Variants in EXT2 observed in about 807,000 individuals in gnomAD.
The protein encoded by EXT2 is exostosin-2.
A neutral mutation model predicts 81.6 loss-of-function variants in EXT2; 53 were observed. The observed-to-expected ratio is 0.65, with a 90% confidence interval of 0.52 to 0.82. The LOEUF (loss-of-function observed/expected upper bound fraction) is 0.82, where lower values mean the gene tolerates loss of function less well. EXT2 is among the 40% of genes least tolerant of loss of function. The pLI is 0.00. For missense variants in EXT2, 774 were observed against 910.2 expected (o/e 0.85, Z 1.93); for synonymous variants, 320 against 340.0 (o/e 0.94, Z 0.65).
chr11:44,230,903 T>C (rs568512258), intron 10 of EXT2, among the ~76,000 whole-genome samples: 2 of 152,314 alleles, frequency 1.3e-5, no homozygotes, highest in South Asian at 2.1e-4. Flanking sequence ...GTGTCCTTTC[T>C]GGACTCAGCA....
chr11:44,159,137 T>C (rs1954895730), intron 7 of EXT2, among the ~76,000 whole-genome samples: 1 of 151,014 alleles, frequency 6.6e-6, no homozygotes, highest in Non-Finnish European at 1.5e-5. Flanking sequence ...TTTTTTTTCT[T>C]CATTTATTCT....
chr11:44,227,599 C>T (rs1024407673), intron 10 of EXT2, among the ~76,000 whole-genome samples: 5 of 152,180 alleles, frequency 3.3e-5, no homozygotes, highest in Non-Finnish European at 7.3e-5. Context: ...ATCTAGGCTG[C>T]CCCCTGTGGG....
intron 13 of EXT2, among the ~76,000 whole-genome samples, chr11:44,242,916 TG>T (rs1956052840): frequency 6.6e-6 from 1 of 152,196 alleles, no homozygotes; most frequent in South Asian, 2.1e-4. Context: ...AAAATGGGAA[TG>T]ATAGTCCTAC....
rs117352996 is a variant in EXT2 at position 44,229,986 on chromosome 11, A to G, written c.1663-2367A>G. On this transcript the variant is annotated intron_variant, in intron 10 of 13. Coordinates refer to ENST00000533608, the MANE Select transcript of EXT2 (RefSeq NM_207122.2). ...AAATTCTGCAAGAGGAAAATACATA[A>G]TAAACAATAAATAACCAATATAATG... 5.0e-3 allele frequency among the ~76,000 whole-genome samples: 758 copies of G among 152,370 alleles called. 7 individuals carry two copies. The highest frequency in any genetic ancestry group is 0.044 in the East Asian group (227 of 5,194).
chr11:44,174,469 T>C (rs1049554609), intron 8 of EXT2, among the ~76,000 whole-genome samples: 162 of 151,802 alleles, frequency 1.1e-3, no homozygotes, highest in African/African-American at 3.9e-3. Context: ...TTGGTAAATA[T>C]TTCTTAGATT....
chr11:44,147,152 T>C (rs777811882), intron 7 of EXT2, among the ~76,000 whole-genome samples: 1 of 152,234 alleles, frequency 6.6e-6, no homozygotes, highest in Non-Finnish European at 1.5e-5. Flanking sequence ...TTGTACACCC[T>C]AGCTCTCTGA....
At chr11:44,214,357 G>A (rs936878408) in intron 10 of EXT2, among the ~76,000 whole-genome samples, 2 of 151,910 alleles carry the variant, frequency 1.3e-5, no homozygotes, top group Admixed American at 6.6e-5. Flanking sequence ...CTCGTGATCC[G>A]CCCGCCTCAG....
At chr11:44,219,269 A>G (rs1023511701) in intron 10 of EXT2, among the ~76,000 whole-genome samples, 6 of 152,130 alleles carry the variant, frequency 3.9e-5, no homozygotes, top group Non-Finnish European at 7.4e-5. Context: ...TGGGAACCTG[A>G]GGTGAGAGAA....
chr11:44,225,804 A>G (rs1955832576), intron 10 of EXT2, among the ~76,000 whole-genome samples: 4 of 152,106 alleles, frequency 2.6e-5, no homozygotes, highest in Admixed American at 2.6e-4. Flanking sequence ...CAGTTTTCTC[A>G]TCTGTGCAAT....
At chr11:44,131,206 G>A (rs2135032374) in intron 7 of EXT2, among the ~76,000 whole-genome samples, 1 of 152,280 alleles carries the variant, frequency 6.6e-6, no homozygotes, top group East Asian at 1.9e-4. Context: ...ACATTCTGAT[G>A]CTGTTATCTT....
chr11:44,120,504 C>T (rs1174220029), intron 4 of EXT2, among the ~76,000 whole-genome samples: 4 of 152,146 alleles, frequency 2.6e-5, no homozygotes, highest in Admixed American at 6.5e-5. Context: ...CCCCTCCCTG[C>T]CCCCGAAAAC....
chr11:44,098,285 T>C (rs966543729), intron 1 of EXT2, among the ~76,000 whole-genome samples: 1 of 152,142 alleles, frequency 6.6e-6, no homozygotes, highest in South Asian at 2.1e-4. Flanking sequence ...TTTGGGAGGA[T>C]TGGTTCTGTG....
chr11:44,177,640 A>G (rs1955177193), intron 8 of EXT2, among the ~76,000 whole-genome samples: 1 of 152,078 alleles, frequency 6.6e-6, no homozygotes, highest in Admixed American at 6.6e-5. Flanking sequence ...GTGTTTTCCC[A>G]TGTTATTTTT....
At chr11:44,156,361 T>A (rs1954855414) in intron 7 of EXT2, among the ~76,000 whole-genome samples, 1 of 152,200 alleles carries the variant, frequency 6.6e-6, no homozygotes. Flanking sequence ...CCAATAACTC[T>A]TAGATTCGCC....
intron 9 of EXT2, among the ~76,000 whole-genome samples, chr11:44,204,717 T>G (rs1955561774): frequency 6.6e-6 from 1 of 152,170 alleles, no homozygotes; most frequent in Non-Finnish European, 1.5e-5. Context: ...GGATCTAGGT[T>G]GCACGCCCCT....
At chr11:44,229,401 T>A (rs890650076) in intron 10 of EXT2, among the ~76,000 whole-genome samples, 2 of 152,240 alleles carry the variant, frequency 1.3e-5, no homozygotes, top group African/African-American at 4.8e-5. Flanking sequence ...TGACGATGCC[T>A]GCGGTCGATT....
chr11:44,154,176 A>G (rs966858452), intron 7 of EXT2, among the ~76,000 whole-genome samples: 3 of 152,008 alleles, frequency 2.0e-5, no homozygotes, highest in African/African-American at 7.2e-5. Context: ...TCATTTTGAG[A>G]TGTACAATAA....
Position 44,215,893 on chromosome 11 carries a change from G to A in EXT2, c.1662+8934G>A, listed in dbSNP as rs537439790. On this transcript the variant is annotated intron_variant, in intron 10 of 13. Transcript: ENST00000533608. Reference sequence around the variant, plus strand: ...TTTTTTTTTTTTTTTTTTTTGAGACGGAGTCTCGCTCTGTCGCCCAGGTCG... The same window carrying A: ...TTTTTTTTTTTTTTTTTTTTGAGACAGAGTCTCGCTCTGTCGCCCAGGTCG... Among the ~76,000 whole-genome samples, 62 of 143,818 alleles carry A rather than the reference G, an allele frequency of 4.3e-4. 1 individual carries two copies. The highest frequency in any genetic ancestry group is 1.5e-3 in the African/African-American group (59 of 38,408). The allele number at this position is 143,818 out of a possible 152,430, so 94.4% of individuals were successfully genotyped here. A position where few individuals can be genotyped will look rare whatever the true frequency, so the allele number is the denominator to read the frequency against.
intron 7 of EXT2, among the ~76,000 whole-genome samples, chr11:44,135,707 A>T (rs1465961784): frequency 7.2e-5 from 11 of 152,210 alleles, no homozygotes; most frequent in Admixed American, 7.2e-4. Context: ...GCTATTTTTA[A>T]TAAAAAAGAA....
Sources: gnomAD v4.1 joint callset for allele counts (sites outside exome capture counted in the v4.1 genomes callset) on GRCh38, gnomAD v4.1.1 for gene constraint, MANE v1.5 for transcripts, NCBI Gene and HGNC (gene_info 2026-07-23, HGNC 2026-07-21) for gene names.